Variants in LGR4 observed in about 807,000 individuals in gnomAD.
LGR4 encodes leucine-rich repeat-containing G protein-coupled receptor 4.
LGR4 carries 44 observed loss-of-function variants against 84.8 expected under a neutral mutation model. That is an observed-to-expected ratio of 0.52 (90% CI 0.41 to 0.67). LGR4 has a LOEUF of 0.67. Among genes scored for constraint, LGR4 ranks in the 30% least tolerant of loss-of-function variants. The probability of loss-of-function intolerance (pLI) is 0.00; values close to 1 mark genes in which losing one functional copy is unlikely to be tolerated. For missense variants in LGR4, 1,032 were observed against 1,131.4 expected, an observed-to-expected ratio of 0.91 and a Z score of 1.26; for synonymous variants, 429 against 434.3, an observed-to-expected ratio of 0.99 and a Z score of 0.15.
chr11:27,438,681 A>G (rs1025393006), intron 1 of LGR4, among the ~76,000 whole-genome samples: 2 of 152,168 alleles, frequency 1.3e-5, no homozygotes, highest in African/African-American at 4.8e-5. Flanking sequence ...TGAAGGTTAG[A>G]AAACAATTAA....
At chr11:27,467,877 G>A (rs1256996289) in intron 1 of LGR4, among the ~76,000 whole-genome samples, 1 of 152,170 alleles carries the variant, frequency 6.6e-6, no homozygotes, top group Non-Finnish European at 1.5e-5. Context: ...AAGTTCACTT[G>A]TATATAAAAC....
chr11:27,377,335 G>A (rs932180428), intron 11 of LGR4, 112 bp from the exon 12 acceptor site: 2 of 520,978 alleles, frequency 3.8e-6, no homozygotes, highest in African/African-American at 2.0e-5. Context: ...AAAGAGATAT[G>A]CCTGAATAAG....
In LGR4 at chr11:27,422,606, T is replaced by C. The variant is rs192200375; in HGVS notation, c.186-9746A>G. On this transcript the variant is annotated intron_variant, in intron 1 of 17. Transcript: ENST00000379214. ...CTGAATGCCCTGATTTAGCCTCAAG[T>C]TCGAATATATTGTCCATGAAACAGA... Among the ~76,000 whole-genome samples the C allele has an allele frequency of 1.4e-3, 213 of 152,330 alleles. 2 individuals are homozygous for C. Among genetic ancestry groups the C allele is most frequent in the African/African-American group, 4.8e-3 (198 of 41,590 alleles).
At chr11:27,390,145 A>G (rs1321717657) in intron 4 of LGR4, among the ~76,000 whole-genome samples, 3 of 152,096 alleles carry the variant, frequency 2.0e-5, no homozygotes, top group African/African-American at 7.2e-5. Flanking sequence ...ATTTCCAGGG[A>G]TGTCTCTTTG....
chr11:27,456,248 C>G (rs1363054819), intron 1 of LGR4, among the ~76,000 whole-genome samples: 1 of 152,198 alleles, frequency 6.6e-6, no homozygotes, highest in Admixed American at 6.5e-5. Flanking sequence ...AAAGAGCACA[C>G]AGATCCAAAT....
intron 2 of LGR4, among the ~76,000 whole-genome samples, chr11:27,403,254 TG>T (rs1376139972): frequency 3.9e-5 from 6 of 152,294 alleles, no homozygotes; most frequent in Admixed American, 3.9e-4. Flanking sequence ...GAGGATTGCT[TG>T]AACCCAGGAG....
chr11:27,457,695 T>C (rs1396791193), intron 1 of LGR4, among the ~76,000 whole-genome samples: 1 of 152,222 alleles, frequency 6.6e-6, no homozygotes, highest in Non-Finnish European at 1.5e-5. Flanking sequence ...CCTATGTTCA[T>C]ACAAAAACTC....
At chr11:27,431,457 G>A (rs1260810839) in intron 1 of LGR4, among the ~76,000 whole-genome samples, 2 of 152,116 alleles carry the variant, frequency 1.3e-5, no homozygotes, top group Non-Finnish European at 2.9e-5. Flanking sequence ...CTAACCCCTA[G>A]CCCAACACCT....
Position 27,393,545 on chromosome 11 carries a change from T to A in LGR4, c.258-1027A>T, listed in dbSNP as rs1402498482. 3.3e-5 allele frequency among the ~76,000 whole-genome samples: 5 copies of A among 152,012 alleles called. No homozygotes were observed. In the East Asian group the frequency reaches 9.6e-4, roughly 29 times the overall value. The stretch of plus-strand genomic sequence containing the variant: ...AAAATTTATAATTAAATTTTTTAAT[T>A]TAAAAAATATATAAAACTTAACATT... On this transcript the variant is annotated intron_variant, in intron 2 of 17. Transcript: ENST00000379214.
Position 27,472,439 on chromosome 11 carries a change from G to A in LGR4, c.-137C>T, listed in dbSNP as rs1281829443. 3.6e-6 allele frequency: 2 copies of A among 563,032 alleles called. No homozygotes were observed. The highest frequency in any genetic ancestry group is 2.0e-5 in the African/African-American group (1 of 51,188). The allele number at this position is 563,032 out of a possible 1,614,324, so 34.9% of individuals were successfully genotyped here. On this transcript the variant is annotated 5_prime_UTR_variant, in exon 1 of 18. Transcript: ENST00000379214. ...CTTCCTCGGCGGTCCGCGCGGGCTC[G>A]GCCCCTTCAGCAGTCCGCCGCAGCG...
Position 27,368,740 on chromosome 11 carries a change from C to A in LGR4, c.1983G>T (p.Gln661His). ...MKNGKSNHLK[Q>H]FRVAALLAFL... is the part of the protein sequence containing the mutation. ...AAGCCAAAAGGGCAGCAACCCGGAA[C>A]TGTTTGAGATGATTGCTCTTCCCAT... is the stretch of plus-strand genomic sequence containing the variant. Residue 661 changes from glutamine to histidine, a missense_variant, in exon 18 of 18, where the codon CAG becomes CAT. Transcript: ENST00000379214. 1 of 1,613,870 alleles carries A rather than the reference C, an allele frequency of 6.2e-7. No individual in the cohort carries two copies.
chr11:27,380,521 G>T, intron 9 of LGR4, 119 bp downstream of exon 9: 2 of 798,112 alleles, frequency 2.5e-6, no homozygotes, highest in Non-Finnish European at 4.0e-6. Flanking sequence ...TATAAATTCT[G>T]CCCAAGGGAG....
At chr11:27,396,735 C>T (rs545411791) in intron 2 of LGR4, among the ~76,000 whole-genome samples, 2 of 152,086 alleles carry the variant, frequency 1.3e-5, no homozygotes, top group Admixed American at 6.5e-5. Flanking sequence ...TTTTCATTGA[C>T]TAAATCTTGT....
At chr11:27,400,777 G>A (rs1863485269) in intron 2 of LGR4, among the ~76,000 whole-genome samples, 1 of 152,128 alleles carries the variant, frequency 6.6e-6, no homozygotes. Context: ...GATTACAGGT[G>A]TGAGCCACCG....
chr11:27,415,763 A>G (rs1278254984), intron 1 of LGR4, among the ~76,000 whole-genome samples: 1 of 152,100 alleles, frequency 6.6e-6, no homozygotes, highest in Non-Finnish European at 1.5e-5. Context: ...ACAAGATGTT[A>G]TCTCCGGAGA....
intron 1 of LGR4, among the ~76,000 whole-genome samples, chr11:27,449,351 GGTAAGAT>G (rs1432451439): frequency 6.6e-6 from 1 of 152,178 alleles, no homozygotes; most frequent in African/African-American, 2.4e-5. Context: ...AGGAGGCCGA[GGTAAGAT>G]GATCATTTGA....
chr11:27,370,887 T>G (rs971394424), intron 17 of LGR4, among the ~76,000 whole-genome samples: 2 of 152,208 alleles, frequency 1.3e-5, no homozygotes, highest in African/African-American at 4.8e-5. Flanking sequence ...CTTAGATGAT[T>G]CTTGCCAACT....
At chr11:27,421,714 C>A (rs544309372) in intron 1 of LGR4, among the ~76,000 whole-genome samples, 54 of 152,272 alleles carry the variant, frequency 3.5e-4, no homozygotes, top group African/African-American at 1.3e-3. Flanking sequence ...TAGACTAATT[C>A]AATATTTTCT....
Position 27,373,678 on chromosome 11 carries a change from T to C in LGR4, c.1254-2A>G. The C allele has an allele frequency of 6.4e-7, 1 of 1,567,934 alleles. No homozygotes were observed. The highest frequency in any genetic ancestry group is 8.7e-7 in the Non-Finnish European group (1 of 1,154,378). ...GTTAATTCATTGAAACTTACATCTCTAAAATATGAATGAGACTTCAAGTTA... is the reference window on the plus strand; with the variant it reads ...GTTAATTCATTGAAACTTACATCTCCAAAATATGAATGAGACTTCAAGTTA... On this transcript the variant is annotated splice_acceptor_variant, in intron 14 of 17. Transcript: ENST00000379214. LOFTEE classifies it high-confidence loss of function.
Sources: allele counts gnomAD v4.1 joint callset (sites outside exome capture counted in the v4.1 genomes callset), GRCh38; gene constraint gnomAD v4.1.1; transcripts MANE v1.5; gene names NCBI Gene and HGNC (gene_info 2026-07-23, HGNC 2026-07-21).